Variants in KCNK1 observed in about 807,000 individuals in gnomAD.
KCNK1 encodes potassium channel subfamily K member 1.
In KCNK1, 10 loss-of-function variants were observed where a neutral mutation model predicts 22.2. The observed-to-expected ratio is 0.45, with a 90% CI of 0.28 to 0.76. The LOEUF is 0.76. KCNK1 is among the 30% of genes least tolerant of loss of function. The probability of loss-of-function intolerance (pLI) is 0.14; values close to 1 mark genes in which losing one functional copy is unlikely to be tolerated. For missense variants in KCNK1, 378 were observed against 421.0 expected (o/e 0.90, Z 0.89); for synonymous variants, 200 against 186.4 (o/e 1.07, Z -0.60).
chr1:233,637,992 G>C (rs1199454598), intron 1 of KCNK1, among the ~76,000 whole-genome samples: 1 of 100,264 alleles, frequency 1.0e-5, no homozygotes, highest in African/African-American at 2.7e-5. Flanking sequence ...GTGGGCTGTG[G>C]AAAAATGAAA....
chr1:233,621,695 A>G (rs942611002), intron 1 of KCNK1, among the ~76,000 whole-genome samples: 27 of 152,322 alleles, frequency 1.8e-4, no homozygotes, highest in South Asian at 2.1e-4. Context: ...CCTGTCTATA[A>G]AACATACCAG....
At chr1:233,641,332 T>G (rs1184498744) in intron 1 of KCNK1, among the ~76,000 whole-genome samples, 2 of 152,212 alleles carry the variant, frequency 1.3e-5, no homozygotes, top group Non-Finnish European at 2.9e-5. Flanking sequence ...TCTACAAGCT[T>G]GCTCCATGCA....
intron 1 of KCNK1, among the ~76,000 whole-genome samples, chr1:233,659,096 G>A (rs1424176342): frequency 6.6e-6 from 1 of 151,792 alleles, no homozygotes; most frequent in African/African-American, 2.4e-5. Context: ...ATTCTTTTGT[G>A]ATAACGTTTA....
At chr1:233,635,195 A>G (rs537587295) in intron 1 of KCNK1, among the ~76,000 whole-genome samples, 5 of 152,346 alleles carry the variant, frequency 3.3e-5, no homozygotes, top group African/African-American at 1.2e-4. Context: ...TCTTTTTTAT[A>G]TAAATGTTTT....
At chr1:233,658,151 G>A (rs1403008679) in intron 1 of KCNK1, among the ~76,000 whole-genome samples, 1 of 152,116 alleles carries the variant, frequency 6.6e-6, no homozygotes, top group African/African-American at 2.4e-5. Flanking sequence ...CTCAAGCTAA[G>A]AAAGGTTCAA....
chr1:233,653,622 T>C (rs780507963), intron 1 of KCNK1, among the ~76,000 whole-genome samples: 2 of 152,140 alleles, frequency 1.3e-5, no homozygotes, highest in Non-Finnish European at 2.9e-5. Flanking sequence ...GCTATTTGTC[T>C]TTTGTTGAGT....
At position 233,626,412 on chromosome 1, in the gene KCNK1, A is replaced by G. The variant is rs138364665; in HGVS notation, c.355+11886A>G. Among the ~76,000 whole-genome samples, 34 of 152,248 alleles carry G rather than the reference A, an allele frequency of 2.2e-4. No individual in the cohort carries two copies. In the East Asian group the frequency reaches 4.6e-3, roughly 21 times the overall value. ...CCCTTTTGGGTGTCCAGGAGGATCT[A>G]TCTACACAAGGCACACAGTAAACCC... On this transcript the variant is annotated intron_variant, in intron 1 of 2. Coordinates refer to ENST00000366621, the MANE Select transcript of KCNK1 (RefSeq NM_002245.4).
At position 233,671,405 on chromosome 1, in the gene KCNK1, C is replaced by T. The variant is rs41272731; in HGVS notation, c.886C>T (p.His296Tyr). The change falls in exon 3 of 3, where the codon CAT becomes TAT. Residue 296 changes from histidine to tyrosine, a missense_variant. Transcript: ENST00000366621. ...CGAGGATCAGGTGCACATCATAGAG[C>T]ATGACCAACTGTCCTTCTCCTCGAT... is the stretch of plus-strand genomic sequence containing the variant. Reference protein sequence around the residue: ...KDEDQVHIIEHDQLSFSSITD... With the variant: ...KDEDQVHIIEYDQLSFSSITD... 3.8e-5 allele frequency: 62 copies of T among 1,614,184 alleles called. No homozygotes were observed. Among genetic ancestry groups the T allele is most frequent in the Non-Finnish European group, 5.3e-5 (62 of 1,180,036 alleles).
At position 233,667,596 on chromosome 1, in the gene KCNK1, A is replaced by G. The variant is rs369198306; in HGVS notation, c.751+606A>G. Among the ~76,000 whole-genome samples, 275 of 151,212 alleles carry G rather than the reference A, an allele frequency of 1.8e-3. 5 individuals carry two copies. In the East Asian group the frequency reaches 0.03, roughly 17 times the overall value. On this transcript the variant is annotated intron_variant, in intron 2 of 2. Coordinates refer to ENST00000366621, the MANE Select transcript of KCNK1 (RefSeq NM_002245.4). ...ATACAAAAAATTAGCCGGGCGTGGTAGCGGGCGCCTGTAGTCCCAGCTACT... is the reference window on the plus strand; with the variant it reads ...ATACAAAAAATTAGCCGGGCGTGGTGGCGGGCGCCTGTAGTCCCAGCTACT...
At chr1:233,668,350 C>T (rs1355131446) in intron 2 of KCNK1, among the ~76,000 whole-genome samples, 1 of 152,166 alleles carries the variant, frequency 6.6e-6, no homozygotes, top group Non-Finnish European at 1.5e-5. Context: ...TCCTTTAAAC[C>T]ATGGGCTCAG....
intron 1 of KCNK1, among the ~76,000 whole-genome samples, chr1:233,652,163 G>C (rs1245236622): frequency 6.6e-6 from 1 of 152,174 alleles, no homozygotes; most frequent in African/African-American, 2.4e-5. Context: ...AAGGCCATGG[G>C]ATCATGGGGG....
intron 1 of KCNK1, among the ~76,000 whole-genome samples, chr1:233,653,263 GC>G (rs1252617411): frequency 6.6e-6 from 1 of 152,152 alleles, no homozygotes; most frequent in African/African-American, 2.4e-5. Flanking sequence ...TTCCCTAGGT[GC>G]CCCCACAGCA....
chr1:233,616,025 A>C (rs1229887756), intron 1 of KCNK1, among the ~76,000 whole-genome samples: 3 of 152,152 alleles, frequency 2.0e-5, no homozygotes, highest in Non-Finnish European at 4.4e-5. Flanking sequence ...TGCCAATACA[A>C]TTTAATTTTT....
intron 1 of KCNK1, among the ~76,000 whole-genome samples, chr1:233,653,963 C>T (rs536268494): frequency 2.7e-4 from 41 of 151,896 alleles, no homozygotes; most frequent in Non-Finnish European, 4.6e-4. Context: ...GGAAAGAGTT[C>T]GGAGGTGCAC....
intron 1 of KCNK1, chr1:233,631,573 G>T (rs1657793189): frequency 3.3e-6 from 1 of 304,392 alleles, no homozygotes; most frequent in Non-Finnish European, 6.5e-6. Flanking sequence ...GTGCACTAAA[G>T]TTACCCTACC....
At position 233,671,632 on chromosome 1, in the gene KCNK1, C is replaced by A; in HGVS notation, c.*102C>A. On this transcript the variant is annotated 3_prime_UTR_variant, in exon 3 of 3. Transcript: ENST00000366621. ...CAGAATGCAAAAGCGAAAATTATGT[C>A]ACTTTAAGAAATAGCTACTGTTTGC... 1 of 1,351,690 alleles carries A rather than the reference C, an allele frequency of 7.4e-7. No homozygotes were observed. The highest frequency in any genetic ancestry group is 1.0e-6 in the Non-Finnish European group (1 of 980,020). 83.7% of individuals were successfully genotyped at this position (1,351,690 alleles called of 1,614,324 possible).
chr1:233,666,175 T>C (rs1658485030), intron 1 of KCNK1, among the ~76,000 whole-genome samples: 1 of 152,154 alleles, frequency 6.6e-6, no homozygotes, highest in Non-Finnish European at 1.5e-5. Context: ...GTTTACACAC[T>C]AATGAGGATG....
At chr1:233,617,816 T>C (rs1327893182) in intron 1 of KCNK1, among the ~76,000 whole-genome samples, 1 of 152,176 alleles carries the variant, frequency 6.6e-6, no homozygotes. Flanking sequence ...GGCGTGTGCC[T>C]GTAGTCCCAG....
chr1:233,652,762 T>C (rs1283835611), intron 1 of KCNK1, among the ~76,000 whole-genome samples: 3 of 152,240 alleles, frequency 2.0e-5, no homozygotes, highest in Non-Finnish European at 4.4e-5. Flanking sequence ...GGATGCTTCC[T>C]GGTTTGGTTA....
Sources: allele counts gnomAD v4.1 joint callset (sites outside exome capture counted in the v4.1 genomes callset), GRCh38; gene constraint gnomAD v4.1.1; transcripts MANE v1.5; gene names NCBI Gene and HGNC (gene_info 2026-07-23, HGNC 2026-07-21).